Variants in ZBTB20 observed in about 807,000 individuals in gnomAD.
ZBTB20 encodes the protein zinc finger and BTB domain-containing protein 20.
ZBTB20 carries 9 observed loss-of-function variants against 56.9 expected under a neutral mutation model. The observed-to-expected ratio is 0.16, with a 90% CI of 0.10 to 0.28. ZBTB20 has a LOEUF of 0.28. ZBTB20 is among the 10% of genes least tolerant of loss of function. ZBTB20 has a pLI of 1.00. For synonymous variants in ZBTB20, 417 were observed against 420.7 expected (o/e 0.99, Z 0.11); for missense variants, 655 against 1,003.0 (o/e 0.65, Z 4.69).
At chr3:114,587,730 C>A (rs1331156610) in intron 6 of ZBTB20, among the ~76,000 whole-genome samples, 1 of 152,148 alleles carries the variant, frequency 6.6e-6, no homozygotes, top group Admixed American at 6.5e-5. Flanking sequence ...CATAGAAGAA[C>A]GAAAGTCATT....
chr3:114,611,093 G>A (rs905012343), intron 6 of ZBTB20, among the ~76,000 whole-genome samples: 1 of 152,066 alleles, frequency 6.6e-6, no homozygotes, highest in Non-Finnish European at 1.5e-5. Flanking sequence ...GGGATCTCTG[G>A]GACTATCTCA....
intron 6 of ZBTB20, among the ~76,000 whole-genome samples, chr3:114,615,589 T>C (rs555963978): frequency 6.6e-6 from 1 of 152,234 alleles, no homozygotes; most frequent in Non-Finnish European, 1.5e-5. Context: ...TCCTGTACTC[T>C]GAACTTTGTT....
intron 7 of ZBTB20, among the ~76,000 whole-genome samples, chr3:114,434,634 T>G (rs554247111): frequency 6.6e-6 from 1 of 151,614 alleles, no homozygotes; most frequent in Non-Finnish European, 1.5e-5. Flanking sequence ...GATTCAAGGT[T>G]GTCTGGATCC....
At chr3:114,734,720 A>C (rs1408020812) in intron 5 of ZBTB20, among the ~76,000 whole-genome samples, 1 of 152,210 alleles carries the variant, frequency 6.6e-6, no homozygotes, top group Non-Finnish European at 1.5e-5. Context: ...TGAGCTGTAC[A>C]TACATTTAAG....
chr3:115,133,425 G>C (rs2084566142), intron 1 of ZBTB20, among the ~76,000 whole-genome samples: 1 of 152,014 alleles, frequency 6.6e-6, no homozygotes, highest in South Asian at 2.1e-4. Context: ...CTGTATTAAA[G>C]TATATAATTC....
intron 1 of ZBTB20, among the ~76,000 whole-genome samples, chr3:115,095,350 CA>C (rs1171567496): frequency 6.6e-6 from 1 of 152,052 alleles, no homozygotes; most frequent in Non-Finnish European, 1.5e-5. Context: ...TACAAAACAC[CA>C]AGGCTAGAGT....
chr3:114,923,181 A>G (rs2076023465), intron 3 of ZBTB20, among the ~76,000 whole-genome samples: 2 of 152,202 alleles, frequency 1.3e-5, no homozygotes. Flanking sequence ...AATGCAATCT[A>G]TCAATATTAT....
chr3:114,394,215 C>A (rs116666484), intron 7 of ZBTB20, among the ~76,000 whole-genome samples: 3 of 152,094 alleles, frequency 2.0e-5, no homozygotes, highest in Non-Finnish European at 4.4e-5. Flanking sequence ...TTTTAGTATA[C>A]CCATTTTACA....
chr3:114,504,568 G>A (rs2044382304), intron 6 of ZBTB20, among the ~76,000 whole-genome samples: 1 of 152,180 alleles, frequency 6.6e-6, no homozygotes, highest in Non-Finnish European at 1.5e-5. Context: ...TTGTCCTCAT[G>A]GAACTTCCGG....
chr3:114,696,549 C>T (rs148054333), intron 5 of ZBTB20, among the ~76,000 whole-genome samples: 59 of 152,138 alleles, frequency 3.9e-4, no homozygotes, highest in African/African-American at 1.3e-3. Flanking sequence ...CATTTTATGA[C>T]CGCTTGAGAG....
At position 114,319,925 on chromosome 3, in the gene ZBTB20, T is replaced by C. The variant is rs973907460; in HGVS notation, c.*19080A>G. 2.6e-5 allele frequency: 4 copies of C among 152,134 alleles called. No homozygotes were observed. Among genetic ancestry groups the C allele is most frequent in the Admixed American group, 6.6e-5 (1 of 15,260 alleles). 9.4% of individuals were successfully genotyped at this position (152,134 alleles called of 1,614,324 possible). A position where few individuals can be genotyped will look rare whatever the true frequency, so the allele number is the denominator to read the frequency against. ...TCTCAAAAGGGAGCTCAAGCATAAG[T>C]TAAAAGGTGATGTGGAAATCCAGTG... On this transcript the variant is annotated 3_prime_UTR_variant, in exon 12 of 12. Transcript: ENST00000675478.
At position 114,747,193 on chromosome 3, in the gene ZBTB20, C is replaced by T. The variant is rs148268878; in HGVS notation, c.-342-53618G>A. On this transcript the variant is annotated intron_variant, in intron 5 of 11. Coordinates refer to ENST00000675478, the MANE Select transcript of ZBTB20 (RefSeq NM_001348800.3). ...AACTGTTCATTTTCACTTTTATTTC[C>T]AGGACTCACTATCTTAAAGAGAAGA... 2.1e-4 allele frequency among the ~76,000 whole-genome samples: 32 copies of T among 152,114 alleles called. No individual in the cohort carries two copies. The East Asian group carries it at 6.2e-3, about 29-fold the overall frequency.
intron 10 of ZBTB20, among the ~76,000 whole-genome samples, chr3:114,352,633 T>G (rs964029920): frequency 5.3e-5 from 8 of 152,200 alleles, no homozygotes; most frequent in African/African-American, 1.9e-4. Flanking sequence ...TTTGAGCACT[T>G]TCTAGGGTGG....
chr3:114,887,982 G>A (rs1408240604), intron 4 of ZBTB20, among the ~76,000 whole-genome samples: 1 of 151,864 alleles, frequency 6.6e-6, no homozygotes, highest in East Asian at 1.9e-4. Context: ...CCCTCTATTT[G>A]GAGCTGTTCC....
intron 6 of ZBTB20, among the ~76,000 whole-genome samples, chr3:114,655,619 T>C (rs1202584336): frequency 6.6e-6 from 1 of 152,242 alleles, no homozygotes; most frequent in East Asian, 1.9e-4. Flanking sequence ...ACTGGCTTTT[T>C]AGCTGTACCT....
chr3:114,914,590 T>C (rs1163468379), intron 3 of ZBTB20, among the ~76,000 whole-genome samples: 2 of 151,982 alleles, frequency 1.3e-5, no homozygotes, highest in Admixed American at 1.3e-4. Context: ...CTATGACTTC[T>C]AGTTTTATGT....
chr3:114,846,439 G>A (rs1035317910), intron 4 of ZBTB20, among the ~76,000 whole-genome samples: 1 of 152,214 alleles, frequency 6.6e-6, no homozygotes, highest in Non-Finnish European at 1.5e-5. Context: ...CTGACACAGG[G>A]AGAAATGAGA....
intron 4 of ZBTB20, among the ~76,000 whole-genome samples, chr3:114,816,806 G>A (rs1357768232): frequency 6.6e-6 from 1 of 152,116 alleles, no homozygotes; most frequent in East Asian, 1.9e-4. Flanking sequence ...AGGAGATTCA[G>A]AAAGCAATGA....
intron 5 of ZBTB20, among the ~76,000 whole-genome samples, chr3:114,790,337 C>T (rs1354405539): frequency 6.6e-6 from 1 of 152,038 alleles, no homozygotes; most frequent in African/African-American, 2.4e-5. Context: ...TTGTTCCCAA[C>T]TCTGTGAAAT....
Sources: allele counts gnomAD v4.1 joint callset (sites outside exome capture counted in the v4.1 genomes callset), GRCh38; gene constraint gnomAD v4.1.1; transcripts MANE v1.5; gene names NCBI Gene and HGNC (gene_info 2026-07-23, HGNC 2026-07-21).